Variants in BRINP3 observed in about 807,000 individuals in gnomAD.
The protein encoded by BRINP3 is BMP/retinoic acid-inducible neural-specific protein 3.
BRINP3 carries 19 observed loss-of-function variants against 71.0 expected under a neutral mutation model. The ratio of observed to expected loss-of-function variants is 0.27; its 90% CI spans 0.19 to 0.39. The LOEUF is 0.39. Ranked by LOEUF, BRINP3 falls within the 10% of genes least tolerant of loss-of-function variation. The pLI is 1.00. For synonymous variants in BRINP3, 380 were observed against 337.7 expected, an observed-to-expected ratio of 1.13 and a Z score of -1.37; for missense variants, 959 against 940.8, an observed-to-expected ratio of 1.02 and a Z score of -0.25.
intron 2 of BRINP3, among the ~76,000 whole-genome samples, chr1:190,354,974 T>C (rs182931511): frequency 3.2e-4 from 48 of 152,010 alleles, no homozygotes; most frequent in Middle Eastern, 6.8e-3. Flanking sequence ...TGCTTATTTC[T>C]GCGTTACCTA....
At chr1:190,203,518 C>T (rs1655199269) in intron 6 of BRINP3, among the ~76,000 whole-genome samples, 1 of 147,664 alleles carries the variant, frequency 6.8e-6, no homozygotes, top group Non-Finnish European at 1.5e-5. Flanking sequence ...CTCCAATTGA[C>T]TGGATGTCTC....
chr1:190,251,991 T>C (rs964269122), intron 4 of BRINP3, among the ~76,000 whole-genome samples: 12 of 152,086 alleles, frequency 7.9e-5, no homozygotes, highest in Admixed American at 6.6e-4. Flanking sequence ...ATTCATTCAA[T>C]AGATGAGAGA....
At chr1:190,458,813 G>A (rs1173773161) in intron 1 of BRINP3, among the ~76,000 whole-genome samples, 1 of 151,778 alleles carries the variant, frequency 6.6e-6, no homozygotes, top group South Asian at 2.1e-4. Context: ...TATAGTGTGG[G>A]GAAATGCAAA....
At chr1:190,443,395 A>C (rs984052114) in intron 2 of BRINP3, among the ~76,000 whole-genome samples, 6 of 149,052 alleles carry the variant, frequency 4.0e-5, no homozygotes, top group East Asian at 4.0e-4. Flanking sequence ...ACAGAGCAAG[A>C]CTCCGTCTCA....
chr1:190,275,449 T>A (rs1662475985), intron 3 of BRINP3, among the ~76,000 whole-genome samples: 1 of 151,608 alleles, frequency 6.6e-6, no homozygotes, highest in Admixed American at 6.6e-5. Context: ...GAATTTGAGA[T>A]TCTGCATTTC....
intron 7 of BRINP3, among the ~76,000 whole-genome samples, chr1:190,134,974 A>G (rs968377898): frequency 1.3e-5 from 2 of 152,088 alleles, no homozygotes; most frequent in African/African-American, 4.8e-5. Flanking sequence ...CTGCTGAAGT[A>G]CACATGTTAT....
chr1:190,432,685 T>C (rs1440259648), intron 2 of BRINP3, among the ~76,000 whole-genome samples: 3 of 152,196 alleles, frequency 2.0e-5, no homozygotes, highest in Non-Finnish European at 2.9e-5. Context: ...CAGGACTAAA[T>C]AGAGGCATGA....
intron 6 of BRINP3, among the ~76,000 whole-genome samples, chr1:190,183,127 T>A (rs1335594034): frequency 1.3e-5 from 2 of 152,078 alleles, no homozygotes; most frequent in Non-Finnish European, 2.9e-5. Flanking sequence ...TTTTCTTTAT[T>A]TTCAAGCATG....
intron 6 of BRINP3, among the ~76,000 whole-genome samples, chr1:190,220,485 A>T (rs1005907993): frequency 6.6e-6 from 1 of 152,044 alleles, no homozygotes; most frequent in African/African-American, 2.4e-5. Context: ...GCCCGTGTAT[A>T]CCTATGTAAC....
chr1:190,395,225 G>A (rs1671493973), intron 2 of BRINP3, among the ~76,000 whole-genome samples: 1 of 151,584 alleles, frequency 6.6e-6, no homozygotes, highest in African/African-American at 2.4e-5. Context: ...GTAATAACAA[G>A]GAAGAGAGGA....
intron 6 of BRINP3, among the ~76,000 whole-genome samples, chr1:190,169,604 T>C (rs761099880): frequency 6.6e-6 from 1 of 152,178 alleles, no homozygotes; most frequent in Non-Finnish European, 1.5e-5. Flanking sequence ...TTATAATTTG[T>C]AGTTCAACAA....
chr1:190,371,326 T>C (rs564177793), intron 2 of BRINP3, among the ~76,000 whole-genome samples: 2 of 152,356 alleles, frequency 1.3e-5, no homozygotes, highest in South Asian at 2.1e-4. Flanking sequence ...TACAAGTTTT[T>C]AATCCATTTT....
intron 7 of BRINP3, among the ~76,000 whole-genome samples, chr1:190,111,021 A>G (rs1652622692): frequency 6.6e-6 from 1 of 151,608 alleles, no homozygotes; most frequent in Non-Finnish European, 1.5e-5. Flanking sequence ...TAAAAATACA[A>G]AAAGAAATTA....
intron 1 of BRINP3, among the ~76,000 whole-genome samples, chr1:190,458,019 G>A (rs1189408705): frequency 6.6e-6 from 1 of 151,372 alleles, no homozygotes; most frequent in Non-Finnish European, 1.5e-5. Flanking sequence ...ATTTCACATT[G>A]TTATGCATTT....
intron 4 of BRINP3, among the ~76,000 whole-genome samples, chr1:190,251,046 A>G (rs912294069): frequency 6.6e-6 from 1 of 151,748 alleles, no homozygotes; most frequent in Non-Finnish European, 1.5e-5. Context: ...CTGAGACCCC[A>G]TCTCTATAAA....
intron 7 of BRINP3, among the ~76,000 whole-genome samples, chr1:190,146,213 A>G (rs1655876206): frequency 6.6e-6 from 1 of 152,180 alleles, no homozygotes; most frequent in Non-Finnish European, 1.5e-5. Flanking sequence ...TAATTTTTTA[A>G]AAGAGCATAA....
intron 2 of BRINP3, among the ~76,000 whole-genome samples, chr1:190,304,682 G>A (rs137862659): frequency 2.6e-4 from 40 of 151,880 alleles, no homozygotes; most frequent in African/African-American, 9.2e-4. Flanking sequence ...TAGGAAAAAA[G>A]CTCCATGTTA....
At chr1:190,290,729 A>C (rs563747068) in intron 2 of BRINP3, among the ~76,000 whole-genome samples, 2 of 152,226 alleles carry the variant, frequency 1.3e-5, no homozygotes, top group East Asian at 3.9e-4. Flanking sequence ...CCTTGTGATA[A>C]ATGAGAGAAG....
At chr1:190,334,051 T>A (rs1192618997) in intron 2 of BRINP3, among the ~76,000 whole-genome samples, 2 of 151,872 alleles carry the variant, frequency 1.3e-5, no homozygotes, top group Non-Finnish European at 2.9e-5. Context: ...TTCCCACATT[T>A]TCACCTCACA....
Sources: allele counts gnomAD v4.1 joint callset (sites outside exome capture counted in the v4.1 genomes callset), GRCh38; gene constraint gnomAD v4.1.1; transcripts MANE v1.5; gene names NCBI Gene and HGNC (gene_info 2026-07-23, HGNC 2026-07-21).